STMN4: variants seen among roughly 807,000 people sequenced by gnomAD.
STMN4 encodes stathmin 4, also known as stathmin-4.
Under a neutral mutation model 29.1 loss-of-function variants are expected in STMN4, and 12 were observed. That is an observed-to-expected ratio of 0.41 (90% CI 0.26 to 0.67). The LOEUF (loss-of-function observed/expected upper bound fraction) is 0.67, where lower values mean the gene tolerates loss of function less well. STMN4 is among the 30% of genes least tolerant of loss of function. STMN4 has a pLI of 0.30. For synonymous variants in STMN4, 114 were observed against 105.3 expected, an observed-to-expected ratio of 1.08 and a Z score of -0.51; for missense variants, 181 against 262.8, an observed-to-expected ratio of 0.69 and a Z score of 2.15.
At chr8:27,249,347 G>A (rs1056412931) in intron 1 of STMN4, among the ~76,000 whole-genome samples, 13 of 152,278 alleles carry the variant, frequency 8.5e-5, no homozygotes, top group Admixed American at 2.6e-4. Context: ...TCTCACTCCC[G>A]GGAACTACAT....
At chr8:27,239,852 A>T in intron 6 of STMN4, 119 bp downstream of exon 6, 2 of 1,565,608 alleles carry the variant, frequency 1.3e-6, no homozygotes, top group South Asian at 2.3e-5. Context: ...TAAGAAAAAG[A>T]TCCTGATTTT....
intron 1 of STMN4, among the ~76,000 whole-genome samples, chr8:27,246,273 T>C (rs1801621377): frequency 6.6e-6 from 1 of 152,114 alleles, no homozygotes; most frequent in Admixed American, 6.6e-5. Flanking sequence ...AAACGAGATG[T>C]TGTAGAGGTG....
chr8:27,244,473 T>C (rs1219345740), intron 1 of STMN4, among the ~76,000 whole-genome samples: 1 of 152,068 alleles, frequency 6.6e-6, no homozygotes, highest in African/African-American at 2.4e-5. Context: ...GACACAGAGA[T>C]AGGGCTCCAC....
At chr8:27,237,916 C>T (rs1175107754) in intron 6 of STMN4, among the ~76,000 whole-genome samples, 1 of 152,210 alleles carries the variant, frequency 6.6e-6, no homozygotes, top group African/African-American at 2.4e-5. Flanking sequence ...ACTATGGTGC[C>T]TTACACATGG....
At chr8:27,257,294 C>T (rs1257446515) in intron 1 of STMN4, among the ~76,000 whole-genome samples, 1 of 152,128 alleles carries the variant, frequency 6.6e-6, no homozygotes, top group Non-Finnish European at 1.5e-5. Flanking sequence ...GACAGATTCC[C>T]TCATATTCCC....
At chr8:27,255,048 G>C (rs1339643443) in intron 1 of STMN4, among the ~76,000 whole-genome samples, 1 of 151,712 alleles carries the variant, frequency 6.6e-6, no homozygotes, top group African/African-American at 2.4e-5. Flanking sequence ...AGAGGGACTA[G>C]AGATGTAAAA....
chr8:27,255,258 T>G (rs1035159983), intron 1 of STMN4, among the ~76,000 whole-genome samples: 1 of 152,166 alleles, frequency 6.6e-6, no homozygotes, highest in African/African-American at 2.4e-5. Flanking sequence ...GTTCCCTGAG[T>G]GGCGTTACGA....
chr8:27,250,452 C>G (rs770028111), intron 1 of STMN4, among the ~76,000 whole-genome samples: 18 of 152,130 alleles, frequency 1.2e-4, no homozygotes, highest in Non-Finnish European at 1.8e-4. Context: ...TAAAACAGGT[C>G]CCTGGATGGG....
At chr8:27,242,080 C>A in intron 3 of STMN4, 1 of 559,902 alleles carries the variant, frequency 1.8e-6, no homozygotes, top group Non-Finnish European at 3.2e-6. Flanking sequence ...TCTAGATGTT[C>A]CCCACAGGTA....
intron 1 of STMN4, among the ~76,000 whole-genome samples, chr8:27,256,562 C>T (rs942381545): frequency 2.0e-5 from 3 of 152,020 alleles, no homozygotes; most frequent in African/African-American, 2.4e-5. Context: ...CATATACACA[C>T]ATATATGATT....
At chr8:27,256,455 T>C (rs1429444951) in intron 1 of STMN4, among the ~76,000 whole-genome samples, 1 of 152,130 alleles carries the variant, frequency 6.6e-6, no homozygotes, top group Non-Finnish European at 1.5e-5. Flanking sequence ...TAATTAGAAG[T>C]CACTTAGCCT....
At chr8:27,240,219 T>A in intron 5 of STMN4, 57 bp from the exon 6 acceptor site, 1 of 1,562,940 alleles carries the variant, frequency 6.4e-7, no homozygotes, top group Non-Finnish European at 8.7e-7. Flanking sequence ...CAGGGTTTAT[T>A]TTCACCATCG....
chr8:27,237,086 G>A (rs1459513210), intron 6 of STMN4, among the ~76,000 whole-genome samples, 181 bp from the exon 7 acceptor site: 1 of 152,212 alleles, frequency 6.6e-6, no homozygotes, highest in African/African-American at 2.4e-5. Flanking sequence ...GAGGCAGGGG[G>A]CAAGCCTACT....
chr8:27,251,011 G>A (rs1563420916), intron 1 of STMN4, among the ~76,000 whole-genome samples: 2 of 152,282 alleles, frequency 1.3e-5, no homozygotes, highest in East Asian at 3.9e-4. Context: ...CACTTTGGGA[G>A]GCTGAGGCAG....
intron 6 of STMN4, 67 bp from the exon 7 acceptor site, chr8:27,236,972 G>C: frequency 6.5e-7 from 1 of 1,542,290 alleles, no homozygotes. Context: ...GGGAGGCCAA[G>C]GGGCAAGAGA....
chr8:27,253,711 T>G (rs1408923935), intron 1 of STMN4, among the ~76,000 whole-genome samples: 1 of 151,642 alleles, frequency 6.6e-6, no homozygotes, highest in African/African-American at 2.4e-5. Flanking sequence ...TTTTTTTTTG[T>G]ATTTGATTTC....
Position 27,251,956 on chromosome 8 carries a change from C to T in STMN4, c.-79+6395G>A, listed in dbSNP as rs1054255400. On this transcript the variant is annotated intron_variant, in intron 1 of 6. Coordinates refer to ENST00000350889, the MANE Select transcript of STMN4 (RefSeq NM_030795.4). ...GGTATATCTCCCAATGCTATCCCTC[C>T]CCCCTTCCCCCATTCCACAACAGTC... is the stretch of plus-strand genomic sequence containing the variant. Among the ~76,000 whole-genome samples, 5 of 151,694 alleles carry T rather than the reference C, an allele frequency of 3.3e-5. 1 individual carries two copies. Among genetic ancestry groups the T allele is most frequent in the Admixed American group, 2.6e-4 (4 of 15,254 alleles).
intron 1 of STMN4, among the ~76,000 whole-genome samples, chr8:27,248,296 G>A (rs945175932): frequency 6.6e-6 from 1 of 152,076 alleles, no homozygotes; most frequent in Admixed American, 6.5e-5. Flanking sequence ...GCAAAGATTC[G>A]AGTGTGGCCT....
At position 27,240,165 on chromosome 8, in the gene STMN4, G is replaced by A; in HGVS notation, c.400-3C>T. On this transcript the variant is annotated splice_region_variant and splice_polypyrimidine_tract_variant and intron_variant, in intron 5 of 6. Transcript: ENST00000350889. Reference sequence around the variant, plus strand: ...TTCAGGAGCTCCGCTTCCTGGTACTGGGGAAGCATAAAGGCAGAAGGAGGC... The same window carrying A: ...TTCAGGAGCTCCGCTTCCTGGTACTAGGGAAGCATAAAGGCAGAAGGAGGC... 6.2e-7 allele frequency: 1 copy of A among 1,612,974 alleles called. No homozygotes were observed. Among genetic ancestry groups the A allele is most frequent in the Non-Finnish European group, 8.5e-7 (1 of 1,179,456 alleles).
Sources: allele counts gnomAD v4.1 joint callset (sites outside exome capture counted in the v4.1 genomes callset), GRCh38; gene constraint gnomAD v4.1.1; transcripts MANE v1.5; gene names NCBI Gene and HGNC (gene_info 2026-07-23, HGNC 2026-07-21).